The following ZFHX3 variants were observed in gnomAD, a reference collection of about 807,000 sequenced individuals.
ZFHX3 encodes the protein zinc finger homeobox protein 3.
A neutral mutation model predicts 279.1 loss-of-function variants in ZFHX3; 42 were observed. That is an observed-to-expected ratio of 0.15 (90% CI 0.12 to 0.19). ZFHX3 has a LOEUF of 0.19. ZFHX3 is among the 10% of genes least tolerant of loss of function. The pLI, the probability that ZFHX3 is intolerant of heterozygous loss-of-function variation, is 1.00. For missense variants in ZFHX3, 4,981 were observed against 4,754.0 expected, an observed-to-expected ratio of 1.05 and a Z score of -1.40; for synonymous variants, 2,293 against 1,957.8, an observed-to-expected ratio of 1.17 and a Z score of -4.52.
intron 4 of ZFHX3, among the ~76,000 whole-genome samples, chr16:72,849,076 G>A (rs1429505196): frequency 1.3e-5 from 2 of 152,000 alleles, no homozygotes; most frequent in Non-Finnish European, 2.9e-5. Context: ...CCCGGGGGTG[G>A]GGGATGTTAA....
At chr16:73,762,029 A>G (rs2053873637) in intron 1 of ZFHX3, among the ~76,000 whole-genome samples, 1 of 152,138 alleles carries the variant, frequency 6.6e-6, no homozygotes, top group East Asian at 1.9e-4. Flanking sequence ...AGAAACTATC[A>G]TCAGAGCAAA....
At chr16:73,474,942 G>A (rs1210656838) in intron 2 of ZFHX3, among the ~76,000 whole-genome samples, 3 of 152,142 alleles carry the variant, frequency 2.0e-5, no homozygotes, top group African/African-American at 7.2e-5. Flanking sequence ...AATGGGGCTG[G>A]GAGGAGTGGG....
At chr16:73,287,933 A>G (rs2014671392) in intron 4 of ZFHX3, among the ~76,000 whole-genome samples, 1 of 151,948 alleles carries the variant, frequency 6.6e-6, no homozygotes, top group East Asian at 1.9e-4. Context: ...ATCCAGGAAA[A>G]CAAACATCCC....
intron 1 of ZFHX3, among the ~76,000 whole-genome samples, chr16:73,785,973 C>G (rs113958362): frequency 6.0e-3 from 913 of 152,172 alleles, no homozygotes; most frequent in Middle Eastern, 0.01. Context: ...CAGGTTCAAG[C>G]GATTCTCCCA....
rs74028099 is a variant in ZFHX3, at chr16:73,238,676, G to T, written c.-1104+18371C>A. On this transcript the variant is annotated intron_variant, in intron 5 of 17. Coordinates refer to the ZFHX3 transcript ENST00000641206. ...CTCGCCTTTGTGAGATCCTTCTGAG[G>T]ATCCCACCTTCTTACATGGCCTTCC... 2.5e-3 allele frequency among the ~76,000 whole-genome samples: 387 copies of T among 152,150 alleles called. 2 individuals carry two copies. The highest frequency in any genetic ancestry group is 6.8e-3 in the Middle Eastern group (2 of 294).
chr16:72,794,046 G>A lies in ZFHX3; in HGVS notation c.8636C>T (p.Ala2879Val), dbSNP rs1196489345. 1 of 1,614,174 alleles carries A rather than the reference G, an allele frequency of 6.2e-7. No individual in the cohort carries two copies. The highest frequency in any genetic ancestry group is 1.7e-5 in the Admixed American group (1 of 60,024). Residue 2879 changes from alanine (A) to valine (V), a missense_variant, in exon 9 of 10, where the codon GCC (alanine) becomes GTC (valine). By Grantham distance (64) the Ala-to-Val change is moderately conservative (BLOSUM62 0). Transcript: ENST00000268489. The surrounding 1 kb of genome is among the most constrained non-coding windows in gnomAD (Gnocchi z 4.2). ...TTCATACTCAGACATTGCCATCATG[G>A]CCGCTTTGGTCAACCCTTCGTTGGG... ...SAPNEGLTKA[A>V]MMAMSEYEDR...
intron 3 of ZFHX3, among the ~76,000 whole-genome samples, chr16:73,391,245 G>A (rs781291158): frequency 9.9e-5 from 15 of 152,088 alleles, no homozygotes; most frequent in Admixed American, 2.0e-4. Flanking sequence ...GGAGGCCAAG[G>A]CATGCAGATG....
In ZFHX3 at chr16:73,803,734, G is replaced by A. The variant is rs114600738; in HGVS notation, c.-1608+87917C>T. On this transcript the variant is annotated intron_variant, in intron 1 of 17. Transcript: ENST00000641206. ...AGACTTGAAAAGATGTTCTTTATAC[G>A]TTAGTAAGTTTTTAAAAGCACATTT... 6.0e-3 allele frequency among the ~76,000 whole-genome samples: 916 copies of A among 152,260 alleles called. 6 individuals carry two copies. The highest frequency in any genetic ancestry group is 0.021 in the African/African-American group (867 of 41,562).
At chr16:72,969,680 G>C (rs554095394) in intron 1 of ZFHX3, among the ~76,000 whole-genome samples, 1 of 152,146 alleles carries the variant, frequency 6.6e-6, no homozygotes, top group Admixed American at 6.5e-5. Flanking sequence ...TCCAAGAGAA[G>C]GTGAAACCTC....
intron 1 of ZFHX3, among the ~76,000 whole-genome samples, chr16:73,784,860 G>C (rs1306880294): frequency 6.8e-6 from 1 of 147,002 alleles, no homozygotes; most frequent in African/African-American, 2.6e-5. Flanking sequence ...AAGCCAAGCA[G>C]TTCCATAAGT....
At chr16:73,586,520 T>C (rs1184359580) in intron 2 of ZFHX3, among the ~76,000 whole-genome samples, 1 of 151,018 alleles carries the variant, frequency 6.6e-6, no homozygotes, top group Non-Finnish European at 1.5e-5. Flanking sequence ...ATACTATTAT[T>C]ATTGGATAAA....
At chr16:72,943,051 T>TG (rs1960488300) in intron 3 of ZFHX3, among the ~76,000 whole-genome samples, 1 of 152,162 alleles carries the variant, frequency 6.6e-6, no homozygotes, top group Non-Finnish European at 1.5e-5. Flanking sequence ...CCTAAATCTG[T>TG]GGATCATTCA....
intron 2 of ZFHX3, among the ~76,000 whole-genome samples, chr16:73,527,829 C>T (rs965993401): frequency 3.9e-5 from 6 of 152,162 alleles, no homozygotes; most frequent in African/African-American, 1.4e-4. Context: ...TCCTCCCTAC[C>T]CAAGCCTTGA....
At chr16:73,187,170 A>ACACACACACACACT (rs764779035) in intron 5 of ZFHX3, among the ~76,000 whole-genome samples, 2 of 151,862 alleles carry the variant, frequency 1.3e-5, no homozygotes, top group Non-Finnish European at 2.9e-5. Flanking sequence ...ACACACACAC[A>ACACACACACACACT]CACTCACTCA....
intron 1 of ZFHX3, among the ~76,000 whole-genome samples, chr16:73,821,147 C>A (rs190962545): frequency 9.9e-5 from 15 of 152,210 alleles, no homozygotes; most frequent in Non-Finnish European, 1.9e-4. Flanking sequence ...AGTTTTAGCC[C>A]CAAGACAGAA....
chr16:73,446,912 G>A (rs58986203), intron 3 of ZFHX3, among the ~76,000 whole-genome samples: 4,236 of 152,184 alleles, frequency 0.028, 187 homozygotes, highest in African/African-American at 0.094. Context: ...TGGGCACGGT[G>A]GCTCACACCT....
At chr16:72,888,552 G>A (rs2038688023) in intron 4 of ZFHX3, among the ~76,000 whole-genome samples, 1 of 152,218 alleles carries the variant, frequency 6.6e-6, no homozygotes, top group Non-Finnish European at 1.5e-5. Context: ...CTGTGCCCAG[G>A]GACATGGGGC....
intron 7 of ZFHX3, chr16:72,808,171 A>G (rs1355404353): frequency 6.6e-6 from 1 of 152,202 alleles, no homozygotes; most frequent in Non-Finnish European, 1.5e-5. Flanking sequence ...CTTAGTTGTG[A>G]AACAATTGCA....
intron 1 of ZFHX3, among the ~76,000 whole-genome samples, chr16:73,044,373 T>C (rs868315199): frequency 1.3e-5 from 2 of 152,124 alleles, no homozygotes; most frequent in African/African-American, 2.4e-5. Context: ...ATCACAGAAA[T>C]AGGCCAGGCT....
Sources: gnomAD v4.1 joint callset for allele counts (sites outside exome capture counted in the v4.1 genomes callset) on GRCh38, gnomAD v4.1.1 for gene constraint, Gnocchi (gnomAD v3.1) non-coding constraint, MANE v1.5 for transcripts, NCBI Gene and HGNC (gene_info 2026-07-23, HGNC 2026-07-21) for gene names.